The following UBAC2 variants were observed in gnomAD, a reference collection of about 807,000 sequenced individuals.
UBAC2 encodes the protein UBA domain containing 2.
A neutral mutation model predicts 44.0 loss-of-function variants in UBAC2; 26 were observed. The ratio of observed to expected loss-of-function variants is 0.59; its 90% CI spans 0.43 to 0.82. The LOEUF is 0.82. Ranked by LOEUF, UBAC2 falls within the 40% of genes least tolerant of loss-of-function variation. UBAC2 has a pLI of 0.00. For synonymous variants in UBAC2, 155 were observed against 154.3 expected (o/e 1.00, Z -0.04); for missense variants, 329 against 419.4 (o/e 0.78, Z 1.88).
At position 99,201,003 on chromosome 13, in the gene UBAC2, A is replaced by C. The variant is rs959776315; in HGVS notation, c.31+64A>C. 8 of 1,289,372 alleles carry C rather than the reference A, an allele frequency of 6.2e-6. No individual in the cohort carries two copies. In the African/African-American group the frequency reaches 1.1e-4, roughly 17 times the overall value. 79.9% of individuals were successfully genotyped at this position (1,289,372 alleles called of 1,614,324 possible). A position where few individuals can be genotyped will look rare whatever the true frequency, so the allele number is the denominator to read the frequency against. ...CGCCACCCTAGGCACCTCTTTGAGGAGGCTGGGGCAGCGGGGACCCTCGGG... is the reference window on the plus strand; with the variant it reads ...CGCCACCCTAGGCACCTCTTTGAGGCGGCTGGGGCAGCGGGGACCCTCGGG... On this transcript the variant is annotated intron_variant, in intron 1 of 8. Transcript: ENST00000403766.
At chr13:99,216,145 C>T (rs1401897233) in intron 1 of UBAC2, among the ~76,000 whole-genome samples, 1 of 151,714 alleles carries the variant, frequency 6.6e-6, no homozygotes, top group Non-Finnish European at 1.5e-5. Context: ...TCTGACGCCT[C>T]AGCTGGAGTG....
At chr13:99,242,441 C>T (rs1276562170) in intron 2 of UBAC2, among the ~76,000 whole-genome samples, 2 of 144,896 alleles carry the variant, frequency 1.4e-5, no homozygotes, top group African/African-American at 5.1e-5. Flanking sequence ...GACGGGGCGG[C>T]TGGCCGGGCG....
chr13:99,297,171 A>T (rs941055055), intron 4 of UBAC2, among the ~76,000 whole-genome samples: 1 of 152,188 alleles, frequency 6.6e-6, no homozygotes, highest in African/African-American at 2.4e-5. Flanking sequence ...TTTAAGTACT[A>T]AATTGAAAAA....
chr13:99,224,857 C>A (rs192787808), intron 1 of UBAC2, among the ~76,000 whole-genome samples: 1 of 152,170 alleles, frequency 6.6e-6, no homozygotes, highest in Admixed American at 6.5e-5. Flanking sequence ...AAAATTTTTA[C>A]GTAGTAAAAG....
chr13:99,207,776 C>G (rs1459165799), intron 1 of UBAC2, among the ~76,000 whole-genome samples: 1 of 152,144 alleles, frequency 6.6e-6, no homozygotes, highest in East Asian at 1.9e-4. Context: ...GGCCTGCACT[C>G]TCCACCTTCG....
At chr13:99,331,586 G>A (rs575469534) in intron 6 of UBAC2, among the ~76,000 whole-genome samples, 1 of 152,322 alleles carries the variant, frequency 6.6e-6, no homozygotes, top group African/African-American at 2.4e-5. Context: ...GCTATAGAAA[G>A]TTCAATCTGA....
At chr13:99,367,954 A>G (rs772516180) in intron 8 of UBAC2, 48 bp downstream of exon 8, 3 of 1,590,814 alleles carry the variant, frequency 1.9e-6, no homozygotes, top group African/African-American at 2.7e-5. Flanking sequence ...CATGTTTCAG[A>G]GTTGAAGCAG....
At chr13:99,368,726 T>TGTGTGTGTGTGC (rs57174182) in intron 8 of UBAC2, among the ~76,000 whole-genome samples, 1 of 145,480 alleles carries the variant, frequency 6.9e-6, no homozygotes, top group Non-Finnish European at 1.5e-5. Flanking sequence ...TGTGTGTGTG[T>TGTGTGTGTGTGC]ACACATACCC....
At chr13:99,340,286 AT>A in intron 6 of UBAC2, 33 bp from the exon 7 acceptor site, 1 of 1,608,686 alleles carries the variant, frequency 6.2e-7, no homozygotes, top group Non-Finnish European at 8.5e-7. Context: ...ATAATACTAC[AT>A]TTAAACAATC....
At chr13:99,217,242 G>C (rs1484089282) in intron 1 of UBAC2, among the ~76,000 whole-genome samples, 1 of 152,194 alleles carries the variant, frequency 6.6e-6, no homozygotes, top group Non-Finnish European at 1.5e-5. Context: ...GGCAGAGTCA[G>C]TCCCTCCATC....
intron 8 of UBAC2, 115 bp from the exon 9 acceptor site, chr13:99,385,113 T>C (rs1162068444): frequency 5.3e-6 from 4 of 750,854 alleles, no homozygotes; most frequent in Non-Finnish European, 9.0e-6. Context: ...TGAAAATTGG[T>C]TTTTTTGTAA....
intron 4 of UBAC2, among the ~76,000 whole-genome samples, chr13:99,256,142 C>G (rs1048355608): frequency 1.3e-5 from 2 of 152,020 alleles, no homozygotes; most frequent in Non-Finnish European, 2.9e-5. Flanking sequence ...AATAGGTACT[C>G]AATAAATAAA....
At chr13:99,255,180 T>C in intron 4 of UBAC2, 2 of 1,614,052 alleles carry the variant, frequency 1.2e-6, no homozygotes, top group Non-Finnish European at 1.7e-6. Flanking sequence ...TGATGATCCT[T>C]ATGGACTTCT....
intron 7 of UBAC2, among the ~76,000 whole-genome samples, chr13:99,345,867 C>T (rs1399369378): frequency 6.6e-6 from 1 of 151,664 alleles, no homozygotes; most frequent in Non-Finnish European, 1.5e-5. Flanking sequence ...CTCAGCCTCC[C>T]GAGTAGCTGG....
chr13:99,216,082 T>TTTTG (rs111677102), intron 1 of UBAC2, among the ~76,000 whole-genome samples: 2 of 148,740 alleles, frequency 1.3e-5, no homozygotes, highest in Non-Finnish European at 3.0e-5. Context: ...CAACCTATAT[T>TTTTG]TGTGTGTGTG....
Position 99,319,072 on chromosome 13 carries a change from G to T in UBAC2, c.561+1003G>T, listed in dbSNP as rs148261798. Among the ~76,000 whole-genome samples, 140 of 152,222 alleles carry T rather than the reference G, an allele frequency of 9.2e-4. 1 individual carries two copies. Among genetic ancestry groups the T allele is most frequent in the African/African-American group, 3.2e-3 (132 of 41,534 alleles). On this transcript the variant is annotated intron_variant, in intron 6 of 8. Transcript: ENST00000403766. ...ATAATGCCAACTGGAAAGTCAGGTGGGTTGGACCTGACCAAAGTCTCATCA... is the reference window on the plus strand; with the variant it reads ...ATAATGCCAACTGGAAAGTCAGGTGTGTTGGACCTGACCAAAGTCTCATCA...
intron 6 of UBAC2, among the ~76,000 whole-genome samples, chr13:99,323,979 T>G (rs1277849519): frequency 6.6e-6 from 1 of 152,204 alleles, no homozygotes; most frequent in Non-Finnish European, 1.5e-5. Flanking sequence ...GCAACTTATG[T>G]TCTACCTGTA....
intron 7 of UBAC2, among the ~76,000 whole-genome samples, chr13:99,348,563 G>A (rs1476724741): frequency 6.6e-6 from 1 of 152,248 alleles, no homozygotes; most frequent in Non-Finnish European, 1.5e-5. Context: ...TGGGAAGAGA[G>A]CAGAGGCCAG....
At chr13:99,332,634 G>C (rs1243988902) in intron 6 of UBAC2, among the ~76,000 whole-genome samples, 2 of 152,156 alleles carry the variant, frequency 1.3e-5, no homozygotes, top group Admixed American at 1.3e-4. Context: ...CAGGGTTCCT[G>C]CTTCCTGTTG....
Sources: gnomAD v4.1 joint callset for allele counts (sites outside exome capture counted in the v4.1 genomes callset) on GRCh38, gnomAD v4.1.1 for gene constraint, MANE v1.5 for transcripts, NCBI Gene and HGNC (gene_info 2026-07-23, HGNC 2026-07-21) for gene names.